SLC9A8: variants seen among roughly 807,000 people sequenced by gnomAD.
SLC9A8 encodes the protein solute carrier family 9 member A8.
A neutral mutation model predicts 66.6 loss-of-function variants in SLC9A8; 48 were observed. The observed-to-expected ratio is 0.72, with a 90% CI of 0.57 to 0.92. The LOEUF is 0.92. Ranked by LOEUF, SLC9A8 falls within the 40% of genes least tolerant of loss-of-function variation. SLC9A8 has a pLI of 0.00. For synonymous variants in SLC9A8, 274 were observed against 282.6 expected, an observed-to-expected ratio of 0.97 and a Z score of 0.31; for missense variants, 599 against 747.3, an observed-to-expected ratio of 0.80 and a Z score of 2.31.
rs368292688 is a variant in SLC9A8 at position 49,886,705 on chromosome 20, G to A, written c.1492-47G>A. The A allele has an allele frequency of 4.5e-4, 710 of 1,592,718 alleles. 1 individual carries two copies. The highest frequency in any genetic ancestry group is 5.0e-4 in the East Asian group (22 of 44,364). On this transcript the variant is annotated intron_variant, in intron 14 of 15. Transcript: ENST00000361573. This position sits in a 1 kb window ranked among gnomAD's most constrained non-coding sequence, Gnocchi z 4.8. ...TGGGGGCTTCCAGGAGGTGCCCCCC[G>A]ATGGTGCCAGCTGGTGGCCGTCGGG... is the stretch of plus-strand genomic sequence containing the variant.
At chr20:49,874,582 T>C (rs2089347576) in intron 10 of SLC9A8, 123 bp from the exon 11 acceptor site, 1 of 697,706 alleles carries the variant, frequency 1.4e-6, no homozygotes, top group African/African-American at 1.8e-5. Context: ...GCTTCAGGAA[T>C]TCATTTATTT....
intron 2 of SLC9A8, among the ~76,000 whole-genome samples, chr20:49,818,034 A>AT (rs1306523825): frequency 5.9e-5 from 9 of 152,160 alleles, no homozygotes; most frequent in Non-Finnish European, 1.2e-4. Flanking sequence ...GCCTGGAAAA[A>AT]AAAAACTTTT....
At chr20:49,830,440 AC>A in intron 3 of SLC9A8, 1 of 836,112 alleles carries the variant, frequency 1.2e-6, no homozygotes, top group South Asian at 1.3e-5. Context: ...GCGGCCAAGG[AC>A]CTGGTGCTGG....
intron 3 of SLC9A8, chr20:49,830,072 G>C: frequency 1.4e-6 from 1 of 724,608 alleles, no homozygotes; most frequent in African/African-American, 1.7e-5. Flanking sequence ...TAAAGATGCA[G>C]ATCCTCATTT....
intron 3 of SLC9A8, chr20:49,830,991 C>T: frequency 1.3e-6 from 1 of 753,858 alleles, no homozygotes; most frequent in Non-Finnish European, 2.5e-6. Flanking sequence ...TCTCTGACTC[C>T]CATGGCAGCT....
chr20:49,874,804 C>G lies in SLC9A8; in HGVS notation c.1058C>G (p.Thr353Ser). The change falls in exon 11 of 16, where the codon ACC becomes AGC. Residue 353 changes from threonine (T) to serine (S), a missense_variant. Thr to Ser is a moderately conservative substitution (Grantham distance 58, BLOSUM62 1). Around this residue, in one of 2 missense-constraint regions of SLC9A8, gnomAD observed 467 missense variants for 626.5 expected, o/e 0.75. Coordinates refer to ENST00000361573, the MANE Select transcript of SLC9A8 (RefSeq NM_015266.3). ...ATCCTCATGCAGCAGACCCTCCGCA[C>G]CGTGGCCTTCTTATGTGGTGAGTTC... The part of the protein sequence containing the change: ...TQILMQQTLR[T>S]VAFLCETCVF... 6.2e-7 allele frequency: 1 copy of G among 1,612,190 alleles called. No individual in the cohort carries two copies. The highest frequency in any genetic ancestry group is 8.5e-7 in the Non-Finnish European group (1 of 1,178,146).
At chr20:49,887,731 C>A in intron 15 of SLC9A8, 98 bp from the exon 16 acceptor site, 1 of 883,998 alleles carries the variant, frequency 1.1e-6, no homozygotes, top group Non-Finnish European at 1.8e-6. Context: ...CTCCCACCTC[C>A]TCCCTAGACA....
intron 2 of SLC9A8, among the ~76,000 whole-genome samples, chr20:49,821,574 G>A (rs544915506): frequency 3.5e-4 from 53 of 152,270 alleles, no homozygotes; most frequent in African/African-American, 1.1e-3. Flanking sequence ...CAGCCTCTGA[G>A]GGTGACCAGT....
At chr20:49,825,600 G>A (rs1010639908) in intron 3 of SLC9A8, among the ~76,000 whole-genome samples, 2 of 152,048 alleles carry the variant, frequency 1.3e-5, no homozygotes, top group African/African-American at 4.8e-5. Context: ...TCCAGTCAAC[G>A]CCAGGGCACT....
chr20:49,877,202 G>A (rs945914476), intron 11 of SLC9A8, among the ~76,000 whole-genome samples: 3 of 151,942 alleles, frequency 2.0e-5, no homozygotes, highest in Non-Finnish European at 2.9e-5. Context: ...GCTGAGGCAG[G>A]AGAATTGCTT....
At chr20:49,852,871 G>A (rs931967715) in intron 7 of SLC9A8, among the ~76,000 whole-genome samples, 1 of 151,008 alleles carries the variant, frequency 6.6e-6, no homozygotes, top group Admixed American at 6.6e-5. Context: ...AGTTAATTTA[G>A]AAAGTTTATT....
At chr20:49,874,268 A>G (rs987707687) in intron 10 of SLC9A8, among the ~76,000 whole-genome samples, 1 of 151,934 alleles carries the variant, frequency 6.6e-6, no homozygotes, top group African/African-American at 2.4e-5. Context: ...CCCCCCCAAA[A>G]AAAAGGGTGG....
chr20:49,889,939 C>G lies in SLC9A8; in HGVS notation c.*2003C>G, dbSNP rs967367353. ...GATAAAGCAATGAAAAGAGTCAGAT[C>G]CCATTTCCGTCTGCCCCCTCGTCAC... On this transcript the variant is annotated 3_prime_UTR_variant, in exon 16 of 16. Coordinates refer to ENST00000361573, the MANE Select transcript of SLC9A8 (RefSeq NM_015266.3). The G allele has an allele frequency of 3.9e-5, 6 of 152,232 alleles. No individual in the cohort carries two copies. Among genetic ancestry groups the G allele is most frequent in the African/African-American group, 1.4e-4 (6 of 41,454 alleles). The allele number at this position is 152,232 out of a possible 1,614,324, so 9.4% of individuals were successfully genotyped here. A position where few individuals can be genotyped will look rare whatever the true frequency, so the allele number is the denominator to read the frequency against.
chr20:49,863,506 G>A lies in SLC9A8; in HGVS notation c.852+439G>A, dbSNP rs78588570. Among the ~76,000 whole-genome samples the A allele has an allele frequency of 0.023, 3,466 of 152,246 alleles. 385 individuals carry two copies. In the East Asian group the frequency reaches 0.35, roughly 15 times the overall value. On this transcript the variant is annotated intron_variant, in intron 9 of 15. Transcript: ENST00000361573. The stretch of plus-strand genomic sequence containing the variant: ...AAGGCCAGAGGATTGCTTTCGCCCA[G>A]GAGTTCAAGACCAGCCTTAGCAATG...
intron 2 of SLC9A8, among the ~76,000 whole-genome samples, chr20:49,815,886 C>T (rs1439637059): frequency 6.6e-6 from 1 of 152,122 alleles, no homozygotes; most frequent in Non-Finnish European, 1.5e-5. Flanking sequence ...ATCTGACCCC[C>T]TGCTCCTGGC....
intron 6 of SLC9A8, among the ~76,000 whole-genome samples, chr20:49,849,928 T>G (rs1047255400): frequency 1.3e-5 from 2 of 152,244 alleles, no homozygotes; most frequent in Non-Finnish European, 2.9e-5. Flanking sequence ...CCCAAAGTAT[T>G]TGAGTTTATT....
At chr20:49,842,643 G>A (rs997316611) in intron 4 of SLC9A8, among the ~76,000 whole-genome samples, 6 of 152,162 alleles carry the variant, frequency 3.9e-5, no homozygotes, top group Non-Finnish European at 5.9e-5. Flanking sequence ...CACTGCTCAA[G>A]TGCCACCTAA....
At chr20:49,869,778 A>G (rs2089137652) in intron 10 of SLC9A8, among the ~76,000 whole-genome samples, 1 of 151,968 alleles carries the variant, frequency 6.6e-6, no homozygotes, top group Non-Finnish European at 1.5e-5. Flanking sequence ...GGTTGCAGTG[A>G]GCCGAGATCC....
At chr20:49,852,669 G>A (rs1221227973) in intron 7 of SLC9A8, among the ~76,000 whole-genome samples, 2 of 152,154 alleles carry the variant, frequency 1.3e-5, no homozygotes, top group East Asian at 1.9e-4. Context: ...AAGATGTGAA[G>A]TGGAACAGCT....
Sources: gnomAD v4.1 joint callset for allele counts (sites outside exome capture counted in the v4.1 genomes callset) on GRCh38, gnomAD v4.1.1 for gene constraint, gnomAD v4.1.1 regional missense constraint, Gnocchi (gnomAD v3.1) non-coding constraint, MANE v1.5 for transcripts, NCBI Gene and HGNC (gene_info 2026-07-23, HGNC 2026-07-21) for gene names.